TFCP2: variants seen among roughly 807,000 people sequenced by gnomAD.
TFCP2 encodes transcription factor CP2.
Under a neutral mutation model 73.4 loss-of-function variants are expected in TFCP2, and 33 were observed. The ratio of observed to expected loss-of-function variants is 0.45; its 90% CI spans 0.34 to 0.60. The LOEUF is 0.60. TFCP2 is among the 20% of genes least tolerant of loss of function. The pLI, the probability that TFCP2 is intolerant of heterozygous loss-of-function variation, is 0.01. For missense variants in TFCP2, 352 were observed against 604.0 expected, an observed-to-expected ratio of 0.58 and a Z score of 4.37; for synonymous variants, 193 against 211.6, an observed-to-expected ratio of 0.91 and a Z score of 0.76.
chr12:51,165,445 T>TA (rs112402143), intron 1 of TFCP2, among the ~76,000 whole-genome samples: 9,192 of 145,638 alleles, frequency 0.063, 854 homozygotes, highest in African/African-American at 0.21. Flanking sequence ...CTTTTAAGAT[T>TA]AAAAAAAAAA....
intron 1 of TFCP2, among the ~76,000 whole-genome samples, chr12:51,130,173 T>TA (rs1304745181): frequency 4.0e-5 from 6 of 151,106 alleles, no homozygotes; most frequent in Non-Finnish European, 5.9e-5. Flanking sequence ...AAAATAACAT[T>TA]AAAAAAAGAA....
intron 1 of TFCP2, among the ~76,000 whole-genome samples, chr12:51,150,035 C>T (rs1010926879): frequency 2.6e-5 from 4 of 152,180 alleles, no homozygotes; most frequent in African/African-American, 9.7e-5. Flanking sequence ...ACATCCCCTC[C>T]AACTCCCAGA....
rs531761863 is a variant in TFCP2, at chr12:51,101,222, G to A, written c.1151+713C>T. Among the ~76,000 whole-genome samples, 18 of 152,234 alleles carry A rather than the reference G, an allele frequency of 1.2e-4. No homozygotes were observed. In the South Asian group the frequency reaches 3.5e-3, roughly 30 times the overall value. ...CGGGAGGCTGAGGCAGGAGAATGGC[G>A]TGAACCCGGGAGGTGGAGCTTGCAG... On this transcript the variant is annotated intron_variant, in intron 11 of 14. Coordinates refer to ENST00000257915, the MANE Select transcript of TFCP2 (RefSeq NM_005653.5).
At chr12:51,146,781 C>A (rs544019920) in intron 1 of TFCP2, among the ~76,000 whole-genome samples, 1 of 152,290 alleles carries the variant, frequency 6.6e-6, no homozygotes, top group South Asian at 2.1e-4. Flanking sequence ...TCCTATAGCA[C>A]TTCAAGTGCT....
chr12:51,144,666 C>G (rs1380150660), intron 1 of TFCP2, among the ~76,000 whole-genome samples: 1 of 152,180 alleles, frequency 6.6e-6, no homozygotes, highest in Non-Finnish European at 1.5e-5. Flanking sequence ...AATACAAAAT[C>G]AACTTTAAGT....
intron 1 of TFCP2, chr12:51,125,448 G>A: frequency 5.2e-6 from 2 of 387,686 alleles, no homozygotes; most frequent in Non-Finnish European, 1.0e-5. Context: ...CTTCCACTCT[G>A]ACCTCCATAT....
intron 1 of TFCP2, among the ~76,000 whole-genome samples, chr12:51,150,349 C>T (rs968112111): frequency 2.0e-5 from 3 of 151,676 alleles, no homozygotes; most frequent in Non-Finnish European, 2.9e-5. Flanking sequence ...ACTCGGGAGG[C>T]GGAGGTTGCA....
chr12:51,111,022 G>T (rs552802778), intron 4 of TFCP2, 39 bp from the exon 5 acceptor site: 10 of 1,362,084 alleles, frequency 7.3e-6, no homozygotes, highest in Non-Finnish European at 1.1e-5. Flanking sequence ...AATTTTGAGG[G>T]CCACTCAGTT....
chr12:51,147,158 T>C (rs979139636), intron 1 of TFCP2, among the ~76,000 whole-genome samples: 4 of 152,014 alleles, frequency 2.6e-5, no homozygotes, highest in African/African-American at 9.7e-5. Flanking sequence ...GCCTGGCCAA[T>C]ATAGTGAAAC....
chr12:51,095,703 A>C (rs1251903885), intron 14 of TFCP2, among the ~76,000 whole-genome samples: 2 of 151,116 alleles, frequency 1.3e-5, no homozygotes, highest in Non-Finnish European at 2.9e-5. Context: ...AATCCCAGCT[A>C]CTTGGGAGGC....
chr12:51,132,797 C>T (rs551791794), intron 1 of TFCP2, among the ~76,000 whole-genome samples: 7 of 152,134 alleles, frequency 4.6e-5, no homozygotes, highest in African/African-American at 1.7e-4. Flanking sequence ...AGGGGAAGAC[C>T]CTGAGGCCAC....
At chr12:51,150,502 C>T (rs1592830909) in intron 1 of TFCP2, among the ~76,000 whole-genome samples, 1 of 151,980 alleles carries the variant, frequency 6.6e-6, no homozygotes, top group Non-Finnish European at 1.5e-5. Context: ...TAATGGATAA[C>T]GTTTGCAGCA....
intron 1 of TFCP2, among the ~76,000 whole-genome samples, chr12:51,119,716 C>T (rs1458449427): frequency 6.6e-6 from 1 of 151,338 alleles, no homozygotes. Context: ...TGCCACTGCA[C>T]TCCAGCCTGG....
Position 51,115,442 on chromosome 12 carries a change from G to A in TFCP2, c.457+873C>T, listed in dbSNP as rs114392495. ...GCCGAAATTGGAACCTTTGAGTACCGCTGGTAGAAATGTAAAATGTGTAGT... is the reference window on the plus strand; with the variant it reads ...GCCGAAATTGGAACCTTTGAGTACCACTGGTAGAAATGTAAAATGTGTAGT... On this transcript the variant is annotated intron_variant, in intron 4 of 14. Transcript: ENST00000257915. Among the ~76,000 whole-genome samples, 11 of 152,156 alleles carry A rather than the reference G, an allele frequency of 7.2e-5. No homozygotes were observed. In the South Asian group the frequency reaches 2.1e-3, roughly 29 times the overall value.
chr12:51,103,886 T>C, intron 9 of TFCP2, 123 bp from the exon 10 acceptor site: 1 of 823,866 alleles, frequency 1.2e-6, no homozygotes, highest in Non-Finnish European at 2.0e-6. Context: ...AGTTGTTTTC[T>C]CTTTCTCCAA....
In TFCP2 at chr12:51,120,488, T is replaced by C. The variant is rs532155133; in HGVS notation, c.123-1716A>G. Reference sequence around the variant, plus strand: ...TGACTTGGAAGGTATATAAGGGAACTTTGTAGGGAGATAAAAATGTATTAT... The same window carrying C: ...TGACTTGGAAGGTATATAAGGGAACCTTGTAGGGAGATAAAAATGTATTAT... On this transcript the variant is annotated intron_variant, in intron 1 of 14. Coordinates refer to ENST00000257915, the MANE Select transcript of TFCP2 (RefSeq NM_005653.5). Among the ~76,000 whole-genome samples the C allele has an allele frequency of 2.2e-4, 34 of 152,248 alleles. 1 individual carries two copies. In the South Asian group the frequency reaches 6.9e-3, roughly 31 times the overall value.
Position 51,110,904 on chromosome 12 carries a change from A to G in TFCP2, c.537T>C (p.Pro179=). The G allele has an allele frequency of 6.2e-7, 1 of 1,613,924 alleles. No individual in the cohort carries two copies. The highest frequency in any genetic ancestry group is 8.5e-7 in the Non-Finnish European group (1 of 1,179,832). The change falls in exon 5 of 15, where the codon CCT becomes CCC. Residue 179 remains proline, a synonymous_variant. Coordinates refer to ENST00000257915, the MANE Select transcript of TFCP2 (RefSeq NM_005653.5). ...GAATAAACACAGATGTCCTCTTTGCAGGGTCCCACAGGAACTCCACTGTAT... is the reference window on the plus strand; with the variant it reads ...GAATAAACACAGATGTCCTCTTTGCGGGGTCCCACAGGAACTCCACTGTAT... ...QLNTVEFLWD[P]AKRTSVFIQV...
intron 1 of TFCP2, among the ~76,000 whole-genome samples, chr12:51,147,405 T>A (rs1941321406): frequency 6.6e-6 from 1 of 152,078 alleles, no homozygotes; most frequent in Non-Finnish European, 1.5e-5. Flanking sequence ...CACCAATTTG[T>A]GTACACAAAG....
intron 1 of TFCP2, among the ~76,000 whole-genome samples, chr12:51,157,159 G>C (rs1941553715): frequency 6.6e-6 from 1 of 151,962 alleles, no homozygotes; most frequent in Non-Finnish European, 1.5e-5. Flanking sequence ...AGGATTACAG[G>C]CATGTGCCAC....
Sources: gnomAD v4.1 joint callset for allele counts (sites outside exome capture counted in the v4.1 genomes callset) on GRCh38, gnomAD v4.1.1 for gene constraint, MANE v1.5 for transcripts, NCBI Gene and HGNC (gene_info 2026-07-23, HGNC 2026-07-21) for gene names.